TAFA2: variants seen among roughly 807,000 people sequenced by gnomAD.
TAFA2 encodes the protein TAFA chemokine like family member 2.
Under a neutral mutation model 18.8 loss-of-function variants are expected in TAFA2, and 7 were observed. The observed-to-expected ratio is 0.37, with a 90% confidence interval of 0.21 to 0.70. The LOEUF is 0.70. Among genes scored for constraint, TAFA2 ranks in the 30% least tolerant of loss-of-function variants. The probability of loss-of-function intolerance (pLI) is 0.53; values close to 1 mark genes in which losing one functional copy is unlikely to be tolerated. For missense variants in TAFA2, 122 were observed against 158.1 expected, an observed-to-expected ratio of 0.77 and a Z score of 1.23; for synonymous variants, 60 against 54.2, an observed-to-expected ratio of 1.11 and a Z score of -0.47.
chr12:61,986,654 TA>T (rs34219909), intron 1 of TAFA2, among the ~76,000 whole-genome samples: 14,518 of 145,338 alleles, frequency 0.1, 707 homozygotes, highest in South Asian at 0.16. Context: ...GAGACTTAGT[TA>T]AAAAAAAAAA....
intron 1 of TAFA2, among the ~76,000 whole-genome samples, chr12:61,980,112 T>C (rs940125497): frequency 1.3e-5 from 2 of 151,912 alleles, no homozygotes; most frequent in Non-Finnish European, 2.9e-5. Flanking sequence ...TTCGCCCCCA[T>C]AGAAATGTAT....
intron 1 of TAFA2, among the ~76,000 whole-genome samples, chr12:62,130,832 AG>A (rs1870652980): frequency 6.6e-6 from 1 of 152,006 alleles, no homozygotes; most frequent in Non-Finnish European, 1.5e-5. Context: ...GGGTCAAGAA[AG>A]GGAGAAGAGA....
At chr12:62,163,618 ATT>A (rs2062420345) in intron 1 of TAFA2, among the ~76,000 whole-genome samples, 1 of 152,102 alleles carries the variant, frequency 6.6e-6, no homozygotes, top group African/African-American at 2.4e-5. Context: ...TTTAAAGATG[ATT>A]TGTTGAAACC....
intron 1 of TAFA2, among the ~76,000 whole-genome samples, chr12:62,130,490 G>T (rs1252116542): frequency 2.6e-5 from 4 of 151,880 alleles, no homozygotes; most frequent in Non-Finnish European, 2.9e-5. Context: ...TGACATTTTT[G>T]CTGGCTAACC....
At chr12:61,721,426 T>C (rs1313836928) in intron 4 of TAFA2, among the ~76,000 whole-genome samples, 1 of 152,130 alleles carries the variant, frequency 6.6e-6, no homozygotes, top group Non-Finnish European at 1.5e-5. Context: ...CCTAGAGTAA[T>C]TTATAATTTG....
chr12:61,872,756 G>T (rs1339196794), intron 1 of TAFA2, among the ~76,000 whole-genome samples: 2 of 151,906 alleles, frequency 1.3e-5, no homozygotes, highest in African/African-American at 2.4e-5. Context: ...TGCCATGAAG[G>T]TTCTCCCACC....
intron 1 of TAFA2, among the ~76,000 whole-genome samples, chr12:62,205,400 T>G (rs1424602307): frequency 6.6e-6 from 1 of 152,248 alleles, no homozygotes; most frequent in East Asian, 1.9e-4. Flanking sequence ...TCATCCAGAC[T>G]GCCTGGATTC....
At chr12:62,224,753 T>C (rs2062778891) in intron 1 of TAFA2, among the ~76,000 whole-genome samples, 1 of 152,098 alleles carries the variant, frequency 6.6e-6, no homozygotes, top group Non-Finnish European at 1.5e-5. Flanking sequence ...TTTGGGAAGA[T>C]GAACAAAGTC....
At chr12:61,735,058 T>C (rs539537266) in intron 4 of TAFA2, among the ~76,000 whole-genome samples, 11 of 152,146 alleles carry the variant, frequency 7.2e-5, no homozygotes, top group Admixed American at 4.6e-4. Context: ...ACTTAATAAG[T>C]GTTAGTTAGA....
chr12:61,979,763 C>T (rs1197085721), intron 1 of TAFA2, among the ~76,000 whole-genome samples: 1 of 151,966 alleles, frequency 6.6e-6, no homozygotes, highest in Non-Finnish European at 1.5e-5. Context: ...AAGCACGGCA[C>T]CACCCCCTCC....
intron 2 of TAFA2, 56 bp from the exon 3 acceptor site, chr12:61,755,080 A>C (rs1869201908): frequency 1.3e-6 from 2 of 1,567,614 alleles, no homozygotes; most frequent in African/African-American, 2.7e-5. Flanking sequence ...ACTTCCCCCC[A>C]CCCTTCTTTT....
chr12:61,781,416 G>C (rs1870498125), intron 2 of TAFA2, among the ~76,000 whole-genome samples: 1 of 151,724 alleles, frequency 6.6e-6, no homozygotes, highest in African/African-American at 2.4e-5. Context: ...CAGCACACTT[G>C]GCTTGATTAG....
At chr12:61,841,718 A>G (rs1483847680) in intron 2 of TAFA2, among the ~76,000 whole-genome samples, 1 of 152,036 alleles carries the variant, frequency 6.6e-6, no homozygotes, top group Admixed American at 6.6e-5. Flanking sequence ...ATTGTATTAT[A>G]TATTTCAAAA....
At chr12:61,875,343 C>G (rs1238808505) in intron 1 of TAFA2, among the ~76,000 whole-genome samples, 1 of 151,960 alleles carries the variant, frequency 6.6e-6, no homozygotes, top group Admixed American at 6.6e-5. Context: ...GTTTTTTATT[C>G]AGTGCTCCTC....
At chr12:61,888,871 C>A (rs895161986) in intron 1 of TAFA2, among the ~76,000 whole-genome samples, 1 of 152,190 alleles carries the variant, frequency 6.6e-6, no homozygotes, top group African/African-American at 2.4e-5. Flanking sequence ...TAGTTTATTT[C>A]ATGGTAAATT....
intron 2 of TAFA2, among the ~76,000 whole-genome samples, chr12:61,833,036 T>G (rs1872776483): frequency 6.8e-6 from 1 of 147,246 alleles, no homozygotes; most frequent in South Asian, 2.1e-4. Flanking sequence ...TATATAAATT[T>G]ATAAATATAT....
intron 1 of TAFA2, among the ~76,000 whole-genome samples, chr12:61,981,380 T>C (rs1215366366): frequency 6.6e-6 from 1 of 152,066 alleles, no homozygotes; most frequent in Non-Finnish European, 1.5e-5. Flanking sequence ...AGGCAACACC[T>C]TTCAGGACAT....
Position 61,968,176 on chromosome 12 carries a change from C to A in TAFA2, c.-1-100750G>T, listed in dbSNP as rs936939583. On this transcript the variant is annotated intron_variant, in intron 1 of 4. Transcript: ENST00000416284. ...TTTCAAAAACTTCATTTCTGCTGGT[C>A]TGACCTTATTTTCTTTTTCTATATA... is the stretch of plus-strand genomic sequence containing the variant. Among the ~76,000 whole-genome samples, 6 of 151,744 alleles carry A rather than the reference C, an allele frequency of 4.0e-5. 1 individual carries two copies. The highest frequency in any genetic ancestry group is 2.0e-4 in the Admixed American group (3 of 15,184).
At chr12:62,035,194 T>C (rs1228254237) in intron 1 of TAFA2, among the ~76,000 whole-genome samples, 1 of 152,186 alleles carries the variant, frequency 6.6e-6, no homozygotes, top group Non-Finnish European at 1.5e-5. Flanking sequence ...ACTTGATGAC[T>C]GATTCATTGA....
Sources: allele counts gnomAD v4.1 joint callset (sites outside exome capture counted in the v4.1 genomes callset), GRCh38; gene constraint gnomAD v4.1.1; transcripts MANE v1.5; gene names NCBI Gene and HGNC (gene_info 2026-07-23, HGNC 2026-07-21).